Variants in GPC6 observed in about 807,000 individuals in gnomAD.
GPC6 encodes glypican-6.
GPC6 carries 14 observed loss-of-function variants against 55.2 expected under a neutral mutation model. The ratio of observed to expected loss-of-function variants is 0.25; its 90% CI spans 0.17 to 0.40. The LOEUF is 0.40. Ranked by LOEUF, GPC6 falls within the 10% of genes least tolerant of loss-of-function variation. The pLI is 1.00. For synonymous variants in GPC6, 278 were observed against 259.6 expected, an observed-to-expected ratio of 1.07 and a Z score of -0.68; for missense variants, 641 against 708.5, an observed-to-expected ratio of 0.90 and a Z score of 1.08.
At chr13:94,270,963 AATTTTTTTTTTTT>A (rs1891978694) in intron 4 of GPC6, among the ~76,000 whole-genome samples, 1 of 118,604 alleles carries the variant, frequency 8.4e-6, no homozygotes, top group Non-Finnish European at 1.7e-5. Context: ...AGAGAAGTAT[AATTTTTTTTTTTT>A]TTTTTTTTTT....
chr13:94,271,538 G>A (rs1490191306), intron 4 of GPC6, among the ~76,000 whole-genome samples: 1 of 152,028 alleles, frequency 6.6e-6, no homozygotes, highest in Non-Finnish European at 1.5e-5. Context: ...ACAACCTTGA[G>A]CCTTGGGCAA....
chr13:94,020,262 G>T (rs559111977), intron 3 of GPC6, among the ~76,000 whole-genome samples: 2 of 152,202 alleles, frequency 1.3e-5, no homozygotes, highest in Admixed American at 6.5e-5. Flanking sequence ...AACGTATGTG[G>T]TTTAATTTTC....
intron 2 of GPC6, among the ~76,000 whole-genome samples, chr13:93,822,855 T>TTA (rs1555334008): frequency 9.2e-4 from 136 of 147,226 alleles, no homozygotes; most frequent in Middle Eastern, 3.6e-3. Context: ...TTATTATTAT[T>TTA]TTATTATTAT....
intron 1 of GPC6, among the ~76,000 whole-genome samples, chr13:93,277,882 C>T (rs2139063141): frequency 6.6e-6 from 1 of 152,122 alleles, no homozygotes; most frequent in South Asian, 2.1e-4. Flanking sequence ...TGTTTGCTTT[C>T]CTACCATAAA....
chr13:93,346,714 T>A (rs1366724457), intron 1 of GPC6, among the ~76,000 whole-genome samples: 1 of 152,122 alleles, frequency 6.6e-6, no homozygotes, highest in Non-Finnish European at 1.5e-5. Flanking sequence ...ACAAAAAGAA[T>A]GGACAGAAAA....
At chr13:94,062,884 C>A (rs150756441) in intron 4 of GPC6, among the ~76,000 whole-genome samples, 1 of 152,092 alleles carries the variant, frequency 6.6e-6, no homozygotes, top group Non-Finnish European at 1.5e-5. Context: ...AATCTTTAAC[C>A]GGATGAATAC....
intron 2 of GPC6, among the ~76,000 whole-genome samples, chr13:93,823,484 G>A (rs1566553080): frequency 6.6e-6 from 1 of 151,958 alleles, no homozygotes; most frequent in African/African-American, 2.4e-5. Flanking sequence ...TGATTGCCTT[G>A]CAAGTAAGTA....
intron 4 of GPC6, among the ~76,000 whole-genome samples, chr13:94,190,526 A>G (rs1889357011): frequency 6.6e-6 from 1 of 152,200 alleles, no homozygotes; most frequent in Non-Finnish European, 1.5e-5. Flanking sequence ...GACACTGAGG[A>G]CACATGGCAA....
At chr13:93,525,815 G>A (rs1197472442) in intron 1 of GPC6, among the ~76,000 whole-genome samples, 7 of 152,050 alleles carry the variant, frequency 4.6e-5, no homozygotes, top group Admixed American at 4.6e-4. Flanking sequence ...ATGACTGAAA[G>A]AATGAGTAGA....
intron 1 of GPC6, among the ~76,000 whole-genome samples, chr13:93,424,205 G>A (rs1877033043): frequency 6.6e-6 from 1 of 152,052 alleles, no homozygotes; most frequent in Admixed American, 6.5e-5. Context: ...TTGCCACGAG[G>A]CCCTCAGCTG....
intron 3 of GPC6, among the ~76,000 whole-genome samples, chr13:94,013,857 T>C (rs1440723653): frequency 6.6e-6 from 1 of 152,226 alleles, no homozygotes; most frequent in East Asian, 1.9e-4. Flanking sequence ...GCAGTTACAG[T>C]TATTAGATAG....
chr13:94,052,673 T>C (rs965937314), intron 4 of GPC6, among the ~76,000 whole-genome samples: 4 of 152,160 alleles, frequency 2.6e-5, no homozygotes, highest in Admixed American at 6.5e-5. Flanking sequence ...CACGGTGTTT[T>C]TGTTTCATTT....
intron 2 of GPC6, among the ~76,000 whole-genome samples, chr13:93,796,193 TG>T (rs139824646): frequency 0.029 from 4,388 of 151,882 alleles, 194 homozygotes; most frequent in East Asian, 0.16. Flanking sequence ...GAGACCCTGT[TG>T]AAAAAAAAAG....
At chr13:93,552,701 G>A (rs1163975892) in intron 2 of GPC6, among the ~76,000 whole-genome samples, 1 of 152,116 alleles carries the variant, frequency 6.6e-6, no homozygotes, top group Admixed American at 6.5e-5. Flanking sequence ...TCCCTTGCAT[G>A]GTGGCTTTGC....
At chr13:93,262,265 C>T (rs1160093127) in intron 1 of GPC6, among the ~76,000 whole-genome samples, 1 of 152,036 alleles carries the variant, frequency 6.6e-6, no homozygotes, top group Non-Finnish European at 1.5e-5. Flanking sequence ...CTTCAGATGT[C>T]CCCTCAGCAG....
At chr13:93,903,034 G>T (rs539854125) in intron 3 of GPC6, among the ~76,000 whole-genome samples, 1 of 152,146 alleles carries the variant, frequency 6.6e-6, no homozygotes, top group Admixed American at 6.5e-5. Context: ...CACACAGGTA[G>T]ACCCCATCTC....
chr13:93,410,323 T>C (rs1456682480), intron 1 of GPC6, among the ~76,000 whole-genome samples: 1 of 152,190 alleles, frequency 6.6e-6, no homozygotes, highest in African/African-American at 2.4e-5. Context: ...GAAAGCACTT[T>C]CTATCAGTAT....
At chr13:93,459,467 G>T (rs1409148715) in intron 1 of GPC6, among the ~76,000 whole-genome samples, 1 of 152,116 alleles carries the variant, frequency 6.6e-6, no homozygotes, top group African/African-American at 2.4e-5. Flanking sequence ...ATCATCAGTT[G>T]TCATTGAAAT....
At chr13:94,393,814 A>C (rs1359128) in intron 7 of GPC6, among the ~76,000 whole-genome samples, 113,619 of 152,068 alleles carry the variant, frequency 0.75, 43,341 homozygotes, top group Middle Eastern at 0.84. Flanking sequence ...CCCAATATGC[A>C]GTGCCTTACA....
Sources: allele counts gnomAD v4.1 joint callset (sites outside exome capture counted in the v4.1 genomes callset), GRCh38; gene constraint gnomAD v4.1.1; transcripts MANE v1.5; gene names NCBI Gene and HGNC (gene_info 2026-07-23, HGNC 2026-07-21).